The following DLGAP1 variants were observed in gnomAD, a reference collection of about 807,000 sequenced individuals.
DLGAP1 encodes the protein disks large-associated protein 1.
In DLGAP1, 11 loss-of-function variants were observed where a neutral mutation model predicts 90.8. The ratio of observed to expected loss-of-function variants is 0.12; its 90% CI spans 0.08 to 0.20. The LOEUF is 0.20. DLGAP1 is among the 10% of genes least tolerant of loss of function. The pLI is 1.00. For missense variants in DLGAP1, 1,050 were observed against 1,333.8 expected, an observed-to-expected ratio of 0.79 and a Z score of 3.31; for synonymous variants, 558 against 540.7, an observed-to-expected ratio of 1.03 and a Z score of -0.44.
intron 1 of DLGAP1, among the ~76,000 whole-genome samples, chr18:4,451,839 T>A (rs1598443485): frequency 6.6e-6 from 1 of 152,210 alleles, no homozygotes; most frequent in East Asian, 1.9e-4. Context: ...TGTGATAGTG[T>A]TTCTTTAAAA....
intron 1 of DLGAP1, among the ~76,000 whole-genome samples, chr18:4,259,080 T>C (rs2145249309): frequency 6.6e-6 from 1 of 152,364 alleles, no homozygotes; most frequent in Middle Eastern, 3.4e-3. Context: ...AGGACATCCG[T>C]GATTTTTGTT....
At chr18:3,762,035 G>A (rs769387116) in intron 5 of DLGAP1, among the ~76,000 whole-genome samples, 15 of 152,170 alleles carry the variant, frequency 9.9e-5, no homozygotes, top group Non-Finnish European at 1.6e-4. Context: ...ACCCTGAGGA[G>A]GCACTTTGTT....
intron 8 of DLGAP1, 108 bp from the exon 9 acceptor site, chr18:3,567,689 TAA>T (rs1475402840): frequency 2.1e-6 from 2 of 966,102 alleles, no homozygotes. Flanking sequence ...GAATGTTTTG[TAA>T]TTTATAACCT....
chr18:4,112,282 A>T (rs1942234545), intron 2 of DLGAP1, among the ~76,000 whole-genome samples: 1 of 152,074 alleles, frequency 6.6e-6, no homozygotes, highest in Admixed American at 6.5e-5. Context: ...GTAAGAAAAA[A>T]TAATTTTTTA....
At chr18:3,527,611 G>A (rs2144337239) in intron 10 of DLGAP1, among the ~76,000 whole-genome samples, 1 of 151,332 alleles carries the variant, frequency 6.6e-6, no homozygotes, top group East Asian at 1.9e-4. Context: ...GTTTGTTTGA[G>A]ACAGAGTCTC....
chr18:3,502,323 G>T, intron 12 of DLGAP1, 170 bp downstream of exon 12: 2 of 1,384,578 alleles, frequency 1.4e-6, no homozygotes, highest in Non-Finnish European at 1.9e-6. Context: ...ACATATTACA[G>T]ATAATATCCC....
intron 7 of DLGAP1, among the ~76,000 whole-genome samples, chr18:3,691,619 A>G (rs1432825923): frequency 6.6e-6 from 1 of 152,200 alleles, no homozygotes; most frequent in Non-Finnish European, 1.5e-5. Context: ...ATTTTAAAAA[A>G]GAATTGAGGA....
At chr18:3,776,934 G>A (rs1468185142) in intron 5 of DLGAP1, among the ~76,000 whole-genome samples, 1 of 152,146 alleles carries the variant, frequency 6.6e-6, no homozygotes, top group Non-Finnish European at 1.5e-5. Context: ...GGGATCACAA[G>A]TGTGGCCACC....
At chr18:4,259,300 T>G (rs563853407) in intron 1 of DLGAP1, among the ~76,000 whole-genome samples, 12 of 152,208 alleles carry the variant, frequency 7.9e-5, no homozygotes, top group Non-Finnish European at 8.8e-5. Context: ...TGGGATGGAA[T>G]GTGGAACAAA....
chr18:4,131,305 C>T (rs1042259533), intron 2 of DLGAP1, among the ~76,000 whole-genome samples: 2 of 152,240 alleles, frequency 1.3e-5, no homozygotes, highest in Admixed American at 6.5e-5. Flanking sequence ...TCATTCAGGC[C>T]ATCACAATCA....
intron 7 of DLGAP1, among the ~76,000 whole-genome samples, chr18:3,713,584 T>C (rs957956037): frequency 6.6e-6 from 1 of 152,224 alleles, no homozygotes; most frequent in Non-Finnish European, 1.5e-5. Flanking sequence ...GTATGCTCAG[T>C]GGAGGCAGAA....
chr18:3,695,025 C>T (rs530436574), intron 7 of DLGAP1, among the ~76,000 whole-genome samples: 2 of 151,358 alleles, frequency 1.3e-5, no homozygotes, highest in African/African-American at 2.4e-5. Context: ...CTGCAAGCTC[C>T]GCCTCCTGGG....
chr18:4,283,688 T>C (rs1323084055), intron 1 of DLGAP1, among the ~76,000 whole-genome samples: 1 of 152,198 alleles, frequency 6.6e-6, no homozygotes, highest in Non-Finnish European at 1.5e-5. Flanking sequence ...AGACCTTTTC[T>C]TGAGAATACT....
At chr18:4,056,262 G>T (rs1010494494) in intron 2 of DLGAP1, among the ~76,000 whole-genome samples, 4 of 152,144 alleles carry the variant, frequency 2.6e-5, no homozygotes, top group African/African-American at 9.7e-5. Context: ...AGAAAGGTTT[G>T]GGCAGGCTGA....
At chr18:3,719,018 T>C (rs2061869590) in intron 7 of DLGAP1, among the ~76,000 whole-genome samples, 1 of 152,088 alleles carries the variant, frequency 6.6e-6, no homozygotes, top group Non-Finnish European at 1.5e-5. Context: ...TAGACTTTCC[T>C]TCTCTAAAAG....
At chr18:3,648,876 C>A (rs2059205645) in intron 7 of DLGAP1, among the ~76,000 whole-genome samples, 1 of 152,212 alleles carries the variant, frequency 6.6e-6, no homozygotes, top group African/African-American at 2.4e-5. Flanking sequence ...TAAATGCCTA[C>A]TTCCTGCCCC....
At chr18:4,203,055 A>G (rs1318946051) in intron 1 of DLGAP1, among the ~76,000 whole-genome samples, 1 of 152,068 alleles carries the variant, frequency 6.6e-6, no homozygotes, top group East Asian at 1.9e-4. Flanking sequence ...GTGGGCAGAT[A>G]TCTAAGGTCA....
At chr18:3,567,636 A>ATGG in intron 8 of DLGAP1, 55 bp from the exon 9 acceptor site, 1 of 1,462,200 alleles carries the variant, frequency 6.8e-7, no homozygotes, top group Non-Finnish European at 9.5e-7. Flanking sequence ...CTTGCTTGAA[A>ATGG]AACAAACATC....
intron 4 of DLGAP1, among the ~76,000 whole-genome samples, chr18:3,814,675 G>A (rs1171445818): frequency 6.6e-6 from 1 of 152,114 alleles, no homozygotes; most frequent in African/African-American, 2.4e-5. Flanking sequence ...CGTAGTAAGT[G>A]TATATATTTA....
Sources: allele counts gnomAD v4.1 joint callset (sites outside exome capture counted in the v4.1 genomes callset), GRCh38; gene constraint gnomAD v4.1.1; transcripts MANE v1.5; gene names NCBI Gene and HGNC (gene_info 2026-07-23, HGNC 2026-07-21).